Variants in C2orf66 observed in about 807,000 individuals in gnomAD.
C2orf66 encodes chromosome 2 open reading frame 66, also known as uncharacterized protein C2orf66.
In C2orf66, 6 loss-of-function variants were observed where a neutral mutation model predicts 7.0. The ratio of observed to expected loss-of-function variants is 0.86; its 90% CI spans 0.47 to 1.69. C2orf66 has a LOEUF of 1.69. Ranked by LOEUF, C2orf66 falls within the 40% of genes most tolerant of loss-of-function variation. The pLI is 0.01. For synonymous variants in C2orf66, 38 were observed against 43.8 expected (o/e 0.87, Z 0.52); for missense variants, 107 against 112.0 (o/e 0.96, Z 0.20).
the C2orf66 span, among the ~76,000 whole-genome samples, chr2:196,819,032 T>C: frequency 6.6e-6 from 1 of 152,246 alleles, no homozygotes; most frequent in East Asian, 1.9e-4. Context: ...GTGACCACCA[T>C]TGCACTTATG....
chr2:196,831,644 TGA>T, the C2orf66 span, among the ~76,000 whole-genome samples: 3 of 152,080 alleles, frequency 2.0e-5, no homozygotes, highest in South Asian at 6.3e-4. Context: ...ACAGCGAAAG[TGA>T]GACTTTTAAT....
the C2orf66 span, among the ~76,000 whole-genome samples, chr2:196,823,602 G>A: frequency 6.8e-6 from 1 of 147,492 alleles, no homozygotes; most frequent in East Asian, 1.9e-4. Flanking sequence ...ACTCCAGCCT[G>A]TATGACAAAG....
chr2:196,828,246 A>T, the C2orf66 span, among the ~76,000 whole-genome samples: 2 of 150,426 alleles, frequency 1.3e-5, no homozygotes, highest in Admixed American at 6.6e-5. Context: ...ACACACACAC[A>T]CACACACACA....
Position 196,807,612 on chromosome 2 carries a change from C to T in C2orf66, c.134G>A (p.Arg45Lys), listed in dbSNP as rs994515910. ...NPRNRDLFFR[R>K]LQAYFKGRGL... The stretch of plus-strand genomic sequence containing the variant: ...TCTGCCCTTAAAATATGCCTGAAGC[C>T]TTCTGAAAAACTAAAGAGAGAAAGA... Residue 45 changes from arginine to lysine, a missense_variant, in exon 2 of 3, where the codon AGG (arginine) becomes AAG (lysine). Physicochemically the swap from Arg to Lys is conservative, Grantham distance 26. Transcript: ENST00000342506. The T allele has an allele frequency of 6.2e-7, 1 of 1,605,638 alleles. No individual in the cohort carries two copies. The highest frequency in any genetic ancestry group is 1.7e-5 in the Admixed American group (1 of 57,620).
At chr2:196,806,205 CTTA>C (rs1387594527) in intron 2 of C2orf66, among the ~76,000 whole-genome samples, 1 of 151,948 alleles carries the variant, frequency 6.6e-6, no homozygotes, top group Non-Finnish European at 1.5e-5. Flanking sequence ...CATACTTGTT[CTTA>C]TTTTTTTGAG....
chr2:196,814,510 G>A, the C2orf66 span, among the ~76,000 whole-genome samples: 9 of 152,074 alleles, frequency 5.9e-5, no homozygotes, highest in African/African-American at 1.9e-4. Context: ...AACATGGCAT[G>A]CGTATACCTG....
intron 1 of C2orf66, among the ~76,000 whole-genome samples, chr2:196,808,169 C>G (rs780998702): frequency 2.6e-5 from 4 of 152,264 alleles, no homozygotes; most frequent in Non-Finnish European, 4.4e-5. Flanking sequence ...TGGTAACAAT[C>G]TTTTATTGAA....
chr2:196,816,588 G>A, the C2orf66 span, among the ~76,000 whole-genome samples: 1 of 152,210 alleles, frequency 6.6e-6, no homozygotes, highest in East Asian at 1.9e-4. Flanking sequence ...ACTAACTGCC[G>A]GGTACTGTGC....
chr2:196,830,044 T>C, the C2orf66 span, among the ~76,000 whole-genome samples: 2 of 152,212 alleles, frequency 1.3e-5, no homozygotes, highest in Non-Finnish European at 2.9e-5. Flanking sequence ...CCTCAAAATA[T>C]ATCCTCCCCC....
the C2orf66 span, among the ~76,000 whole-genome samples, chr2:196,828,230 T>TCACACACACACACACACA: frequency 8.0e-6 from 1 of 125,064 alleles, no homozygotes; most frequent in Non-Finnish European, 1.7e-5. Context: ...TCTCTCTCTC[T>TCACACACACACACACACA]CACACACACA....
chr2:196,816,681 C>T, the C2orf66 span, among the ~76,000 whole-genome samples: 1 of 151,970 alleles, frequency 6.6e-6, no homozygotes, highest in Admixed American at 6.6e-5. Flanking sequence ...GCATGTGTAC[C>T]CCCCGAATCT....
At chr2:196,808,772 C>G (rs1699841864) in intron 1 of C2orf66, among the ~76,000 whole-genome samples, 1 of 151,992 alleles carries the variant, frequency 6.6e-6, no homozygotes, top group African/African-American at 2.4e-5. Context: ...TAAATTGATA[C>G]CCATGCAGGG....
upstream of C2orf66, among the ~76,000 whole-genome samples, chr2:196,811,499 C>T (rs758424698): frequency 2.6e-5 from 4 of 151,984 alleles, no homozygotes; most frequent in South Asian, 2.1e-4. Flanking sequence ...CTGGGTACTA[C>T]GGGGAGGGGG....
At chr2:196,818,513 C>T in the C2orf66 span, among the ~76,000 whole-genome samples, 2 of 152,224 alleles carry the variant, frequency 1.3e-5, no homozygotes, top group African/African-American at 4.8e-5. Context: ...TAAGAGAGAG[C>T]CAGCCAATGC....
At chr2:196,807,678 A>G in intron 1 of C2orf66, 56 bp from the exon 2 acceptor site, 1 of 1,429,072 alleles carries the variant, frequency 7.0e-7, no homozygotes, top group East Asian at 2.3e-5. Context: ...CCAAAAATAA[A>G]GGTGTTTTTC....
At chr2:196,821,674 C>T in the C2orf66 span, among the ~76,000 whole-genome samples, 1 of 152,072 alleles carries the variant, frequency 6.6e-6, no homozygotes, top group African/African-American at 2.4e-5. Flanking sequence ...CCATGAGTCA[C>T]ATAATTTTGT....
At chr2:196,815,403 C>T in the C2orf66 span, among the ~76,000 whole-genome samples, 9 of 152,062 alleles carry the variant, frequency 5.9e-5, no homozygotes, top group African/African-American at 1.2e-4. Flanking sequence ...TAGGTTCAAT[C>T]GAGAGAAAGA....
At chr2:196,811,438 G>T (rs183311957), upstream of C2orf66, among the ~76,000 whole-genome samples, 3 of 152,298 alleles carry the variant, frequency 2.0e-5, no homozygotes, top group East Asian at 5.8e-4. Context: ...TAGCACAGAT[G>T]CACAGATTAT....
upstream of C2orf66, among the ~76,000 whole-genome samples, chr2:196,810,515 A>C (rs1559312343): frequency 6.6e-6 from 1 of 152,246 alleles, no homozygotes; most frequent in South Asian, 2.1e-4. Context: ...GAAAAAAGAT[A>C]AATTACTATA....
Sources: gnomAD v4.1 joint callset for allele counts (sites outside exome capture counted in the v4.1 genomes callset) on GRCh38, gnomAD v4.1.1 for gene constraint, MANE v1.5 for transcripts, NCBI Gene and HGNC (gene_info 2026-07-23, HGNC 2026-07-21) for gene names.